TACC2: variants seen among roughly 807,000 people sequenced by gnomAD.
TACC2 encodes the protein transforming acidic coiled-coil-containing protein 2.
Under a neutral mutation model 227.3 loss-of-function variants are expected in TACC2, and 137 were observed. That is an observed-to-expected ratio of 0.60 (90% CI 0.52 to 0.69). The LOEUF is 0.69. TACC2 is among the 30% of genes least tolerant of loss of function. The probability of loss-of-function intolerance (pLI) is 0.00; values close to 1 mark genes in which losing one functional copy is unlikely to be tolerated. For missense variants in TACC2, 3,470 were observed against 3,694.4 expected (o/e 0.94, Z 1.57); for synonymous variants, 1,523 against 1,487.5 (o/e 1.02, Z -0.55).
chr10:122,176,101 CTCTCTCTCTCTCTCTCTATATATATA>C (rs1229380858), intron 7 of TACC2, among the ~76,000 whole-genome samples: 3,008 of 83,962 alleles, frequency 0.036, 38 homozygotes, highest in African/African-American at 0.066. Flanking sequence ...CTCTCTCTCT[CTCTCTCTCTCTCTCTCTATATATATA>C]TATATATATA....
rs1252584393 is a variant in TACC2 at position 122,205,247 on chromosome 10, C to T, written c.5972-5150C>T. Among the ~76,000 whole-genome samples, 8 of 152,164 alleles carry T rather than the reference C, an allele frequency of 5.3e-5. No homozygotes were observed. Among genetic ancestry groups the T allele is most frequent in the Admixed American group, 3.9e-4 (6 of 15,286 alleles). On this transcript the variant is annotated intron_variant, in intron 8 of 22. Transcript: ENST00000369005. The surrounding 1 kb of genome is among the most constrained non-coding windows in gnomAD (Gnocchi z 4.5). The stretch of plus-strand genomic sequence containing the variant: ...GGAAGCAGAGGAGCACAGCCCCACC[C>T]GGTGGGGGTTCCTGGGGTCTCTGTG...
intron 8 of TACC2, among the ~76,000 whole-genome samples, chr10:122,195,426 G>C (rs923013940): frequency 1.3e-5 from 2 of 152,234 alleles, no homozygotes; most frequent in Admixed American, 6.5e-5. Context: ...GAGGAGGGCA[G>C]TGGGTCTCGG....
intron 21 of TACC2, 42 bp downstream of exon 21, chr10:122,249,198 G>A (rs2096198828): frequency 6.7e-7 from 1 of 1,487,064 alleles, no homozygotes; most frequent in Non-Finnish European, 9.3e-7. Flanking sequence ...GGGCCTCCCA[G>A]CAGCCCTTTT....
rs1376331548 is a variant in TACC2, at chr10:122,216,772, A to C, written c.7490A>C (p.Gln2497Pro). ...DLEADKQDYP[Q>P]PSDLSTFVNE... ...GAGGCTGACAAACAGGACTACCCGC[A>C]GCCCTCGGACCTGTCCACCTTTGTA... is the stretch of plus-strand genomic sequence containing the variant. The change falls in exon 11 of 23, where the codon CAG becomes CCG. Residue 2497 changes from glutamine to proline, a missense_variant. Gln to Pro is a moderately conservative substitution (Grantham distance 76). Coordinates refer to ENST00000369005, the MANE Select transcript of TACC2 (RefSeq NM_206862.4). 6.2e-7 allele frequency: 1 copy of C among 1,614,028 alleles called. No homozygotes were observed. Among genetic ancestry groups the C allele is most frequent in the African/African-American group, 1.3e-5 (1 of 74,906 alleles).
At chr10:122,159,807 T>G (rs2092710025) in intron 7 of TACC2, among the ~76,000 whole-genome samples, 1 of 152,120 alleles carries the variant, frequency 6.6e-6, no homozygotes, top group African/African-American at 2.4e-5. Flanking sequence ...CTTTCCTGAG[T>G]GTATGTGCTC....
intron 22 of TACC2, among the ~76,000 whole-genome samples, chr10:122,251,363 C>T (rs1483188300): frequency 6.6e-6 from 1 of 152,114 alleles, no homozygotes; most frequent in African/African-American, 2.4e-5. Context: ...TAGCAGTATC[C>T]TCAGAACGAC....
chr10:122,106,317 G>A (rs985880644), intron 5 of TACC2, among the ~76,000 whole-genome samples: 3 of 152,096 alleles, frequency 2.0e-5, no homozygotes, highest in African/African-American at 7.2e-5. Flanking sequence ...TCCACTTACT[G>A]ATTGATGAGC....
Position 122,237,328 on chromosome 10 carries a change from AGTGTAATCCTCTTT to A in TACC2, c.8128-64_8128-51del, listed in dbSNP as rs1021066020. 5 of 1,454,702 alleles carry A rather than the reference AGTGTAATCCTCTTT, an allele frequency of 3.4e-6. No homozygotes were observed. In the African/African-American group the frequency reaches 4.3e-5, roughly 12 times the overall value. The allele number at this position is 1,454,702 out of a possible 1,614,324, so 90.1% of individuals were successfully genotyped here. A position where few individuals can be genotyped will look rare whatever the true frequency, so the allele number is the denominator to read the frequency against. On this transcript the variant is annotated intron_variant, in intron 16 of 22. Transcript: ENST00000369005. ...CAATTGGCCCATTCATGAGAGGGTGAGTGTAATCCTCTTTGTCGTATGATTAATGCTAACTGTTT... is the reference window on the plus strand; with the variant it reads ...CAATTGGCCCATTCATGAGAGGGTGAGTCGTATGATTAATGCTAACTGTTT...
chr10:122,124,809 A>T (rs1236907227), intron 5 of TACC2, among the ~76,000 whole-genome samples: 1 of 152,186 alleles, frequency 6.6e-6, no homozygotes, highest in Non-Finnish European at 1.5e-5. Flanking sequence ...ACATTTTATC[A>T]CATGTGCTGT....
chr10:122,189,789 G>A (rs1230416422), intron 7 of TACC2, among the ~76,000 whole-genome samples: 1 of 152,170 alleles, frequency 6.6e-6, no homozygotes, highest in Non-Finnish European at 1.5e-5. Context: ...TAGAGCAAAG[G>A]CTCTTGTTTG....
chr10:122,093,934 C>G (rs1237353963), intron 5 of TACC2, among the ~76,000 whole-genome samples: 12 of 152,228 alleles, frequency 7.9e-5, no homozygotes, highest in Non-Finnish European at 1.8e-4. Flanking sequence ...CTGCAGGAAT[C>G]TGTAGACGCA....
intron 3 of TACC2, among the ~76,000 whole-genome samples, chr10:122,061,306 A>AAAT (rs33934283): frequency 2.0e-5 from 3 of 146,908 alleles, no homozygotes; most frequent in Non-Finnish European, 4.5e-5. Context: ...AAAAAAAAAA[A>AAAT]GGAGGGAGAA....
At chr10:122,135,884 C>T (rs1242647386) in intron 6 of TACC2, among the ~76,000 whole-genome samples, 3 of 152,194 alleles carry the variant, frequency 2.0e-5, no homozygotes, top group African/African-American at 7.2e-5. Context: ...AACTGTTGTG[C>T]TTTTCCTTGG....
Position 122,086,850 on chromosome 10 carries a change from G to C in TACC2, c.4350G>C (p.Lys1450Asn), listed in dbSNP as rs765765099. The C allele has an allele frequency of 1.9e-6, 3 of 1,613,994 alleles. No homozygotes were observed. The highest frequency in any genetic ancestry group is 3.3e-5 in the Admixed American group (2 of 60,030). ...KDLTRPLGPE[K>N]LLDGPPGVDV... ...TCACCAGGCCATTGGGCCCAGAGAA[G>C]CTTCTAGATGGGCCTCCAGGAGTGG... The change falls in exon 4 of 23, where the codon AAG (lysine) becomes AAC (asparagine). Residue 1450 changes from lysine (K) to asparagine (N), a missense_variant. This residue lies in a region of TACC2 where 1,924 missense variants were observed against 1,978.3 expected (regional missense o/e 0.97). Coordinates refer to ENST00000369005, the MANE Select transcript of TACC2 (RefSeq NM_206862.4).
chr10:122,161,740 T>C (rs1249093708), intron 7 of TACC2, among the ~76,000 whole-genome samples: 13 of 152,276 alleles, frequency 8.5e-5, no homozygotes, highest in Admixed American at 6.5e-5. Context: ...CTCATTTTTT[T>C]CCTCATGTAT....
chr10:122,051,753 G>C (rs185506999), intron 3 of TACC2: 1 of 142,630 alleles, frequency 7.0e-6, no homozygotes, highest in East Asian at 2.1e-4. Flanking sequence ...AAAACCTTGA[G>C]ACTCAAAGTG....
Position 122,254,116 on chromosome 10 carries a change from T to C in TACC2, c.*60T>C, listed in dbSNP as rs747619110. 1 of 1,369,924 alleles carries C rather than the reference T, an allele frequency of 7.3e-7. No individual in the cohort carries two copies. Among genetic ancestry groups the C allele is most frequent in the Admixed American group, 1.7e-5 (1 of 59,718 alleles). 84.9% of individuals were successfully genotyped at this position (1,369,924 alleles called of 1,614,324 possible). On this transcript the variant is annotated 3_prime_UTR_variant, in exon 23 of 23. Coordinates refer to ENST00000369005, the MANE Select transcript of TACC2 (RefSeq NM_206862.4). The stretch of plus-strand genomic sequence containing the variant: ...TGCAATATGACCGTCGGCACACTGC[T>C]GTTCCTCCAGTTCCATGGACAGGTT...
intron 5 of TACC2, among the ~76,000 whole-genome samples, chr10:122,115,341 A>T (rs1054192437): frequency 6.6e-6 from 1 of 151,526 alleles, no homozygotes; most frequent in Non-Finnish European, 1.5e-5. Context: ...GCATGCACAT[A>T]TGGGGCAGGC....
At chr10:122,056,248 C>G (rs1006396421) in intron 3 of TACC2, among the ~76,000 whole-genome samples, 36 of 152,224 alleles carry the variant, frequency 2.4e-4, no homozygotes, top group African/African-American at 8.2e-4. Flanking sequence ...GATCTCAGCT[C>G]ACTGCAACCT....
Sources: gnomAD v4.1 joint callset for allele counts (sites outside exome capture counted in the v4.1 genomes callset) on GRCh38, gnomAD v4.1.1 for gene constraint, gnomAD v4.1.1 regional missense constraint, Gnocchi (gnomAD v3.1) non-coding constraint, MANE v1.5 for transcripts, NCBI Gene and HGNC (gene_info 2026-07-23, HGNC 2026-07-21) for gene names.